Variants in MIPOL1 observed in about 807,000 individuals in gnomAD.
MIPOL1 encodes the protein mirror-image polydactyly 1.
MIPOL1 carries 57 observed loss-of-function variants against 60.9 expected under a neutral mutation model. That is an observed-to-expected ratio of 0.94 (90% CI 0.76 to 1.17). The LOEUF (loss-of-function observed/expected upper bound fraction) is 1.17, where lower values mean the gene tolerates loss of function less well. Among genes scored for constraint, MIPOL1 ranks in the 50% most tolerant of loss-of-function variants. The pLI, the probability that MIPOL1 is intolerant of heterozygous loss-of-function variation, is 0.00. For missense variants in MIPOL1, 551 were observed against 511.6 expected (o/e 1.08, Z -0.74); for synonymous variants, 179 against 168.8 (o/e 1.06, Z -0.47).
intron 11 of MIPOL1, among the ~76,000 whole-genome samples, chr14:37,429,485 G>A (rs2094022454): frequency 6.6e-6 from 1 of 152,018 alleles, no homozygotes; most frequent in African/African-American, 2.4e-5. Flanking sequence ...CAAAAATGTT[G>A]AAGAGAATTC....
At chr14:37,261,843 A>G (rs2082536461) in intron 3 of MIPOL1, among the ~76,000 whole-genome samples, 1 of 152,124 alleles carries the variant, frequency 6.6e-6, no homozygotes, top group African/African-American at 2.4e-5. Flanking sequence ...TAAAGGTTGT[A>G]CAGCTATATT....
chr14:37,421,013 T>A (rs1357246720), intron 10 of MIPOL1, among the ~76,000 whole-genome samples: 2 of 152,124 alleles, frequency 1.3e-5, no homozygotes, highest in Non-Finnish European at 1.5e-5. Context: ...ATACTGGGAA[T>A]TAAGAAATTG....
At chr14:37,406,468 G>A (rs1473458994) in intron 10 of MIPOL1, among the ~76,000 whole-genome samples, 2 of 152,068 alleles carry the variant, frequency 1.3e-5, no homozygotes, top group East Asian at 1.9e-4. Flanking sequence ...AAATGTTTAC[G>A]ACTCAAGTGT....
chr14:37,458,979 A>G (rs1036713231), intron 11 of MIPOL1, among the ~76,000 whole-genome samples: 6 of 152,102 alleles, frequency 3.9e-5, no homozygotes, highest in African/African-American at 1.4e-4. Flanking sequence ...GAAAATAGAG[A>G]CACAACATAC....
chr14:37,295,437 G>C (rs371067241), intron 7 of MIPOL1, among the ~76,000 whole-genome samples: 2 of 152,036 alleles, frequency 1.3e-5, no homozygotes, highest in East Asian at 1.9e-4. Context: ...ATGACAGGAT[G>C]AAATTCACAC....
intron 1 of MIPOL1, among the ~76,000 whole-genome samples, chr14:37,207,173 G>C (rs1283004919): frequency 6.6e-6 from 1 of 152,110 alleles, no homozygotes; most frequent in Non-Finnish European, 1.5e-5. Flanking sequence ...TGGTGGAAGG[G>C]ACCCAGTGGG....
intron 7 of MIPOL1, among the ~76,000 whole-genome samples, chr14:37,291,914 ATTTTTTTTTTTTTT>A (rs57230205): frequency 3.2e-5 from 3 of 92,978 alleles, no homozygotes; most frequent in African/African-American, 1.6e-4. Flanking sequence ...AATGGCAATA[ATTTTTTTTTTTTTT>A]TTTTTTTTTT....
In MIPOL1 at chr14:37,478,896, T is replaced by TA. The variant is rs747165861; in HGVS notation, c.1032-21003dup. ...AATATAGACTTTAAGTCAAAAACTG[T>TA]AAAAAAAAAGACAAAGAGGACATTA... On this transcript the variant is annotated intron_variant, in intron 11 of 12. Coordinates refer to ENST00000684589, the MANE Select transcript of MIPOL1 (RefSeq NM_001388067.1). Among the ~76,000 whole-genome samples the TA allele has an allele frequency of 1.2e-3, 181 of 150,160 alleles. 1 individual carries two copies. Among genetic ancestry groups the TA allele is most frequent in the African/African-American group, 3.3e-3 (136 of 40,858 alleles).
intron 9 of MIPOL1, among the ~76,000 whole-genome samples, chr14:37,337,662 C>A (rs1020845454): frequency 2.0e-5 from 3 of 151,858 alleles, no homozygotes; most frequent in Middle Eastern, 3.2e-3. Flanking sequence ...GCCACTGTGC[C>A]TGGCCTTGTA....
At chr14:37,541,121 A>G (rs777288307) in intron 12 of MIPOL1, among the ~76,000 whole-genome samples, 1 of 152,054 alleles carries the variant, frequency 6.6e-6, no homozygotes, top group African/African-American at 2.4e-5. Context: ...CACTTCAGCT[A>G]CTCACTCTGG....
intron 11 of MIPOL1, among the ~76,000 whole-genome samples, chr14:37,465,238 G>T (rs939772986): frequency 2.0e-5 from 3 of 152,120 alleles, no homozygotes; most frequent in African/African-American, 7.2e-5. Flanking sequence ...GTTGGAACAT[G>T]GTGGAACATG....
intron 11 of MIPOL1, among the ~76,000 whole-genome samples, chr14:37,489,877 G>T (rs140789875): frequency 6.6e-6 from 1 of 152,168 alleles, no homozygotes; most frequent in Non-Finnish European, 1.5e-5. Context: ...CCTGTATGAG[G>T]TGTCTGTCAG....
At chr14:37,253,397 T>G (rs1030282843) in intron 3 of MIPOL1, among the ~76,000 whole-genome samples, 7 of 151,812 alleles carry the variant, frequency 4.6e-5, no homozygotes, top group African/African-American at 1.4e-4. Context: ...ATGCTATATG[T>G]AAAGTCCCTA....
intron 10 of MIPOL1, among the ~76,000 whole-genome samples, chr14:37,418,644 T>G (rs1287613414): frequency 6.6e-6 from 1 of 152,112 alleles, no homozygotes; most frequent in African/African-American, 2.4e-5. Flanking sequence ...CTATTTGAGT[T>G]CACTAGCTCT....
intron 11 of MIPOL1, among the ~76,000 whole-genome samples, chr14:37,466,145 GC>G (rs1487138406): frequency 2.6e-5 from 4 of 152,128 alleles, no homozygotes; most frequent in Admixed American, 6.5e-5. Context: ...TATGACAGCA[GC>G]TGTACAACAG....
At chr14:37,231,643 A>G (rs1970649330) in intron 1 of MIPOL1, among the ~76,000 whole-genome samples, 1 of 152,134 alleles carries the variant, frequency 6.6e-6, no homozygotes, top group Non-Finnish European at 1.5e-5. Flanking sequence ...TCATAATTAT[A>G]TAATTATATT....
At chr14:37,225,999 A>G (rs1969663205) in intron 1 of MIPOL1, among the ~76,000 whole-genome samples, 3 of 152,318 alleles carry the variant, frequency 2.0e-5, no homozygotes, top group South Asian at 2.1e-4. Flanking sequence ...TTGCTAAAAC[A>G]TAACAAGAGT....
In MIPOL1 at chr14:37,267,100, C is replaced by G. The variant is rs1432581459; in HGVS notation, c.182C>G (p.Ser61Ter). ...CENTEWPGQRSTNFQIISSYP... is the reference protein window; with the variant it reads ...CENTEWPGQR ...AACACAGAATGGCCAGGGCAGAGAT[C>G]AACGAATTTTCAGATCATCAGTTCT... Residue 61 changes from serine (S) to a stop codon, truncating the protein, a stop_gained, in exon 4 of 13, where the codon TCA becomes TGA. Transcript: ENST00000684589. LOFTEE classifies it high-confidence loss of function. 7.4e-6 allele frequency: 12 copies of G among 1,613,916 alleles called. No individual in the cohort carries two copies. Among genetic ancestry groups the G allele is most frequent in the Non-Finnish European group, 1.0e-5 (12 of 1,179,936 alleles).
At chr14:37,436,938 T>A (rs1269955572) in intron 11 of MIPOL1, among the ~76,000 whole-genome samples, 2 of 152,226 alleles carry the variant, frequency 1.3e-5, no homozygotes, top group African/African-American at 4.8e-5. Flanking sequence ...AAAATTGACT[T>A]GACTGAATGT....
Sources: allele counts gnomAD v4.1 joint callset (sites outside exome capture counted in the v4.1 genomes callset), GRCh38; gene constraint gnomAD v4.1.1; transcripts MANE v1.5; gene names NCBI Gene and HGNC (gene_info 2026-07-23, HGNC 2026-07-21).